The following CSMD1 variants were observed in gnomAD, a reference collection of about 807,000 sequenced individuals.
CSMD1 encodes the protein CUB and Sushi multiple domains 1, also known as CUB and sushi domain-containing protein 1.
A neutral mutation model predicts 417.5 loss-of-function variants in CSMD1; 213 were observed. The ratio of observed to expected loss-of-function variants is 0.51; its 90% CI spans 0.46 to 0.57. CSMD1 has a LOEUF of 0.57. CSMD1 is among the 20% of genes least tolerant of loss of function. The probability of loss-of-function intolerance (pLI) is 0.00; values close to 1 mark genes in which losing one functional copy is unlikely to be tolerated. For synonymous variants in CSMD1, 2,862 were observed against 1,736.8 expected, an observed-to-expected ratio of 1.65 and a Z score of -16.11; for missense variants, 6,923 against 4,529.7, an observed-to-expected ratio of 1.53 and a Z score of -15.17.
chr8:3,952,759 T>C (rs2627510), intron 5 of CSMD1, among the ~76,000 whole-genome samples: 20,180 of 152,264 alleles, frequency 0.13, 1,476 homozygotes, highest in Middle Eastern at 0.17. Flanking sequence ...TTATGTTTAT[T>C]TCACTTCAAT....
At chr8:3,182,425 G>C (rs1170139885) in intron 36 of CSMD1, among the ~76,000 whole-genome samples, 5 of 152,128 alleles carry the variant, frequency 3.3e-5, no homozygotes, top group Admixed American at 1.3e-4. Context: ...ATGTTGGCCA[G>C]GCTGGTCTCG....
intron 5 of CSMD1, among the ~76,000 whole-genome samples, chr8:3,888,020 G>A (rs551605800): frequency 2.0e-5 from 3 of 152,246 alleles, no homozygotes; most frequent in African/African-American, 7.2e-5. Flanking sequence ...ACTTCTGGCA[G>A]AGAAATTAAT....
intron 3 of CSMD1, among the ~76,000 whole-genome samples, chr8:4,364,014 T>A (rs1801927461): frequency 6.6e-6 from 1 of 152,144 alleles, no homozygotes; most frequent in African/African-American, 2.4e-5. Flanking sequence ...AGTCAATAAT[T>A]TAATTGTACT....
intron 3 of CSMD1, among the ~76,000 whole-genome samples, chr8:4,270,955 T>G (rs182647298): frequency 4.4e-4 from 67 of 152,254 alleles, no homozygotes; most frequent in Non-Finnish European, 9.0e-4. Context: ...AGGGAGCACT[T>G]TAAACTGTCA....
At chr8:4,353,347 C>T (rs768721017) in intron 3 of CSMD1, among the ~76,000 whole-genome samples, 21 of 152,106 alleles carry the variant, frequency 1.4e-4, no homozygotes, top group Non-Finnish European at 2.5e-4. Context: ...TTTGCTCCTC[C>T]TTTGCCTTCC....
chr8:4,759,952 G>T (rs575137241), intron 1 of CSMD1, among the ~76,000 whole-genome samples: 1 of 152,128 alleles, frequency 6.6e-6, no homozygotes, highest in Non-Finnish European at 1.5e-5. Flanking sequence ...TAGGTCAAAG[G>T]GTATTTCTGG....
chr8:4,243,471 G>A (rs1021627413), intron 3 of CSMD1, among the ~76,000 whole-genome samples: 1 of 152,260 alleles, frequency 6.6e-6, no homozygotes, highest in Admixed American at 6.5e-5. Flanking sequence ...CTTCTAGCCA[G>A]TATGTCTACT....
At chr8:4,643,122 G>A (rs995846090) in intron 1 of CSMD1, among the ~76,000 whole-genome samples, 3 of 152,180 alleles carry the variant, frequency 2.0e-5, no homozygotes, top group Non-Finnish European at 4.4e-5. Context: ...CATCTGAACA[G>A]TATGTCTCAT....
intron 14 of CSMD1, among the ~76,000 whole-genome samples, chr8:3,406,535 T>C: frequency 6.6e-6 from 1 of 152,114 alleles, no homozygotes; most frequent in East Asian, 1.9e-4. Flanking sequence ...GTGTCTGGGC[T>C]CAAGATTTCT....
intron 3 of CSMD1, among the ~76,000 whole-genome samples, chr8:4,109,598 C>T (rs983525780): frequency 6.6e-6 from 1 of 152,232 alleles, no homozygotes; most frequent in South Asian, 2.1e-4. Flanking sequence ...GAGCATTTGC[C>T]TTTGGATATT....
chr8:3,439,206 C>CTGTACCATTACACATTCCCATCAG (rs1814787687), intron 12 of CSMD1, among the ~76,000 whole-genome samples: 1 of 129,470 alleles, frequency 7.7e-6, no homozygotes, highest in Non-Finnish European at 1.6e-5. Context: ...AAAAATGTGG[C>CTGTACCATTACACATTCCCATCAG]TGTACCATTA....
chr8:4,491,416 C>G (rs1801694089), intron 2 of CSMD1, among the ~76,000 whole-genome samples: 1 of 152,030 alleles, frequency 6.6e-6, no homozygotes, highest in East Asian at 1.9e-4. Context: ...TAACCTTACG[C>G]CCTAGCTGTG....
intron 30 of CSMD1, among the ~76,000 whole-genome samples, chr8:3,207,860 A>G (rs141476928): frequency 6.6e-6 from 1 of 152,322 alleles, no homozygotes; most frequent in African/African-American, 2.4e-5. Flanking sequence ...TTATGATTTT[A>G]AATAGAAACA....
At chr8:4,578,045 T>C (rs946973056) in intron 2 of CSMD1, among the ~76,000 whole-genome samples, 2 of 152,174 alleles carry the variant, frequency 1.3e-5, no homozygotes, top group Non-Finnish European at 2.9e-5. Flanking sequence ...TGTGTACTCA[T>C]TAATGTGTGT....
intron 4 of CSMD1, among the ~76,000 whole-genome samples, chr8:4,007,268 G>C (rs1816198023): frequency 1.3e-5 from 2 of 152,094 alleles, no homozygotes; most frequent in Non-Finnish European, 2.9e-5. Flanking sequence ...AAGCTTACCA[G>C]GCCCTGAAAG....
intron 12 of CSMD1, among the ~76,000 whole-genome samples, chr8:3,450,577 T>G (rs866263463): frequency 6.6e-6 from 1 of 150,940 alleles, no homozygotes; most frequent in Middle Eastern, 3.4e-3. Flanking sequence ...TTTTTTTTTG[T>G]CTTTGTGATA....
At chr8:3,478,622 C>A (rs557315077) in intron 11 of CSMD1, among the ~76,000 whole-genome samples, 16 of 152,240 alleles carry the variant, frequency 1.1e-4, no homozygotes, top group Admixed American at 8.5e-4. Context: ...TGCTGTTTTC[C>A]ACCCCTGAAC....
intron 12 of CSMD1, among the ~76,000 whole-genome samples, chr8:3,464,884 A>G (rs1585204320): frequency 6.6e-6 from 1 of 151,636 alleles, no homozygotes; most frequent in East Asian, 1.9e-4. Context: ...ACTTAACATG[A>G]TCTCCCTCAA....
At chr8:3,881,374 G>A (rs1308178663) in intron 5 of CSMD1, among the ~76,000 whole-genome samples, 1 of 151,172 alleles carries the variant, frequency 6.6e-6, no homozygotes, top group Non-Finnish European at 1.5e-5. Context: ...GGTGGCTTAT[G>A]CCTATAATCC....
Sources: gnomAD v4.1 joint callset for allele counts (sites outside exome capture counted in the v4.1 genomes callset) on GRCh38, gnomAD v4.1.1 for gene constraint, MANE v1.5 for transcripts, NCBI Gene and HGNC (gene_info 2026-07-23, HGNC 2026-07-21) for gene names.